The following POGLUT3 variants were observed in gnomAD, a reference collection of about 807,000 sequenced individuals.
POGLUT3 encodes KDEL (Lys-Asp-Glu-Leu) containing 2.
Under a neutral mutation model 54.3 loss-of-function variants are expected in POGLUT3, and 48 were observed. That is an observed-to-expected ratio of 0.88 (90% CI 0.70 to 1.12). The LOEUF (loss-of-function observed/expected upper bound fraction) is 1.12, where lower values mean the gene tolerates loss of function less well. POGLUT3 is among the 50% of genes most tolerant of loss of function. The pLI is 0.00. For missense variants in POGLUT3, 629 were observed against 618.7 expected (o/e 1.02, Z -0.18); for synonymous variants, 218 against 237.4 (o/e 0.92, Z 0.75).
intron 7 of POGLUT3, among the ~76,000 whole-genome samples, chr11:108,475,379 C>A (rs1021169821): frequency 6.6e-6 from 1 of 151,854 alleles, no homozygotes; most frequent in African/African-American, 2.4e-5. Context: ...TATAGTCACA[C>A]GCATTTTTGA....
At position 108,474,296 on chromosome 11, in the gene POGLUT3, ATAT is replaced by A. The variant is rs1272558143; in HGVS notation, c.*528_*530del. 2.0e-5 allele frequency: 3 copies of A among 152,322 alleles called. No individual in the cohort carries two copies. The highest frequency in any genetic ancestry group is 4.4e-5 in the Non-Finnish European group (3 of 68,030). The allele number at this position is 152,322 out of a possible 1,614,324, so 9.4% of individuals were successfully genotyped here. Reference sequence around the variant, plus strand: ...AGCAGTTTTTACGCAAAAGATATTAATATTCAATGATATTTGGTAATGCTTGTT... The same window carrying A: ...AGCAGTTTTTACGCAAAAGATATTAATCAATGATATTTGGTAATGCTTGTT... On this transcript the variant is annotated 3_prime_UTR_variant, in exon 8 of 8. Transcript: ENST00000323468.
chr11:108,494,666 T>C (rs2093619067), intron 1 of POGLUT3, among the ~76,000 whole-genome samples: 1 of 152,190 alleles, frequency 6.6e-6, no homozygotes, highest in African/African-American at 2.4e-5. Flanking sequence ...AAGCAAGCCA[T>C]AGTATAAAAC....
chr11:108,485,661 T>C (rs1465731060), intron 3 of POGLUT3, among the ~76,000 whole-genome samples: 1 of 150,914 alleles, frequency 6.6e-6, no homozygotes, highest in African/African-American at 2.4e-5. Context: ...TATTTATTTA[T>C]TTATTTATTT....
rs1160397997 is a variant in POGLUT3, at chr11:108,473,519, A to C, written c.*1308T>G. 1 of 152,226 alleles carries C rather than the reference A, an allele frequency of 6.6e-6. No individual in the cohort carries two copies. The highest frequency in any genetic ancestry group is 2.4e-5 in the African/African-American group (1 of 41,450). The allele number at this position is 152,226 out of a possible 1,614,324, so 9.4% of individuals were successfully genotyped here. ...TCCTAAAAGAGAAAGGAAATTTCCA[A>C]AGTCTTCATCGTAGCAACGACACCC... On this transcript the variant is annotated 3_prime_UTR_variant, in exon 8 of 8. Transcript: ENST00000323468.
intron 1 of POGLUT3, 131 bp from the exon 2 acceptor site, chr11:108,491,298 T>TAA (rs1475247580): frequency 1.8e-4 from 129 of 716,512 alleles, no homozygotes; most frequent in Non-Finnish European, 2.9e-4. Flanking sequence ...AAAAATCATT[T>TAA]CCTTTGGAAG....
intron 2 of POGLUT3, among the ~76,000 whole-genome samples, chr11:108,489,576 A>G (rs935712505): frequency 2.0e-5 from 3 of 152,156 alleles, no homozygotes; most frequent in African/African-American, 7.2e-5. Flanking sequence ...TATCAAAAGA[A>G]AAAAAACCCA....
chr11:108,479,642 C>T, intron 5 of POGLUT3, 147 bp from the exon 6 acceptor site: 4 of 521,312 alleles, frequency 7.7e-6, no homozygotes, highest in Admixed American at 3.9e-5. Context: ...TTATAACTTA[C>T]ATCTTCTCTT....
chr11:108,497,751 C>T (rs996588167), intron 1 of POGLUT3, among the ~76,000 whole-genome samples: 1 of 152,234 alleles, frequency 6.6e-6, no homozygotes, highest in African/African-American at 2.4e-5. Flanking sequence ...TCCAAACCCA[C>T]CAGGCCTAAG....
chr11:108,479,470 C>A lies in POGLUT3; in HGVS notation c.1124G>T (p.Gly375Val). 6.3e-7 allele frequency: 1 copy of A among 1,597,868 alleles called. No individual in the cohort carries two copies. The highest frequency in any genetic ancestry group is 8.5e-7 in the Non-Finnish European group (1 of 1,176,322). ...FKYKYQVNVD[G>V]TVAAYRYPYL... ...TGGATATCTGTAAGCAGCCACGGTC[C>A]CATCCACATTTACTTGATACTTGTA... Residue 375 changes from glycine to valine, a missense_variant, in exon 6 of 8, where the codon GGG becomes GTG. By Grantham distance (109) the Gly-to-Val change is moderately radical. Transcript: ENST00000323468.
At chr11:108,498,117 C>A in intron 1 of POGLUT3, 48 bp downstream of exon 1, 1 of 1,453,308 alleles carries the variant, frequency 6.9e-7, no homozygotes, top group Non-Finnish European at 9.1e-7. Flanking sequence ...GGCGGGGACG[C>A]GCGGGGACCC....
At chr11:108,478,501 G>A (rs991601967) in intron 6 of POGLUT3, among the ~76,000 whole-genome samples, 9 of 152,222 alleles carry the variant, frequency 5.9e-5, no homozygotes, top group African/African-American at 2.2e-4. Context: ...ACGTCAAAAA[G>A]TTGTGTTATA....
At chr11:108,484,472 T>G (rs996703399) in intron 3 of POGLUT3, among the ~76,000 whole-genome samples, 3 of 152,060 alleles carry the variant, frequency 2.0e-5, no homozygotes, top group Non-Finnish European at 4.4e-5. Context: ...TTTTTTTGGT[T>G]TATAAAACTC....
intron 1 of POGLUT3, among the ~76,000 whole-genome samples, chr11:108,492,733 G>C (rs187109486): frequency 6.6e-6 from 1 of 152,198 alleles, no homozygotes; most frequent in East Asian, 1.9e-4. Flanking sequence ...AAACAAGTAT[G>C]ATAAAATTAC....
intron 5 of POGLUT3, among the ~76,000 whole-genome samples, chr11:108,479,729 T>C (rs570233498): frequency 1.3e-5 from 2 of 152,356 alleles, no homozygotes; most frequent in East Asian, 3.9e-4. Flanking sequence ...GCTAAATTTT[T>C]GGAAATAGGA....
chr11:108,474,888 G>C lies in POGLUT3; in HGVS notation c.1463C>G (p.Pro488Arg). 2 of 1,614,072 alleles carry C rather than the reference G, an allele frequency of 1.2e-6. No homozygotes were observed. The highest frequency in any genetic ancestry group is 1.7e-6 in the Non-Finnish European group (2 of 1,179,980). The change falls in exon 8 of 8, where the codon CCA becomes CGA. Residue 488 changes from proline to arginine, a missense_variant. By Grantham distance (103) the Pro-to-Arg change is moderately radical (BLOSUM62 -2). Coordinates refer to ENST00000323468, the MANE Select transcript of POGLUT3 (RefSeq NM_153705.5). ...VRDGMELVPQPEDSTAICQCH... is the reference protein window; with the variant it reads ...VRDGMELVPQREDSTAICQCH... ...CTGGCAGATGGCTGTGCTATCTTCT[G>C]GCTGAGGAACAAGTTCCATTCCATC...
chr11:108,479,355 A>G lies in POGLUT3; in HGVS notation c.1239T>C (p.Tyr413=). ...FYMALEPWKH[Y]VPIKRNLSDL... is the part of the protein sequence containing the mutation. ...CACTCAGATTTCTTTTAATTGGAAC[A>G]TAATGCTTCCAAGGTTCTAGTGCCA... Residue 413 remains tyrosine, a synonymous_variant, in exon 6 of 8, where the codon TAT becomes TAC. Coordinates refer to ENST00000323468, the MANE Select transcript of POGLUT3 (RefSeq NM_153705.5). 1.2e-6 allele frequency: 2 copies of G among 1,612,750 alleles called. No individual in the cohort carries two copies. The highest frequency in any genetic ancestry group is 1.7e-5 in the Admixed American group (1 of 59,452).
rs570362563 is a variant in POGLUT3, at chr11:108,472,505, G to T, written c.*2322C>A. 3.3e-5 allele frequency: 5 copies of T among 152,322 alleles called. No individual in the cohort carries two copies. The highest frequency in any genetic ancestry group is 4.8e-5 in the African/African-American group (2 of 41,594). The allele number at this position is 152,322 out of a possible 1,614,324, so 9.4% of individuals were successfully genotyped here. On this transcript the variant is annotated 3_prime_UTR_variant, in exon 8 of 8. Coordinates refer to ENST00000323468, the MANE Select transcript of POGLUT3 (RefSeq NM_153705.5). ...GCTGCGGCTGAATTGGCGAGATGAA[G>T]AATTATGTAGATTAAGGCTGCTGTC...
chr11:108,484,720 C>T (rs2093599513), intron 3 of POGLUT3, among the ~76,000 whole-genome samples: 1 of 152,190 alleles, frequency 6.6e-6, no homozygotes, highest in South Asian at 2.1e-4. Flanking sequence ...CGTGCCACTG[C>T]ACTCCAGCCA....
At chr11:108,488,452 G>A (rs563434036) in intron 2 of POGLUT3, among the ~76,000 whole-genome samples, 13 of 152,204 alleles carry the variant, frequency 8.5e-5, no homozygotes, top group African/African-American at 2.9e-4. Context: ...TGAGGTTGTA[G>A]TACAGGGAGG....
Sources: allele counts gnomAD v4.1 joint callset (sites outside exome capture counted in the v4.1 genomes callset), GRCh38; gene constraint gnomAD v4.1.1; transcripts MANE v1.5; gene names NCBI Gene and HGNC (gene_info 2026-07-23, HGNC 2026-07-21).